ARHGAP21: variants seen among roughly 807,000 people sequenced by gnomAD.
ARHGAP21 encodes the protein rho GTPase-activating protein 21.
Under a neutral mutation model 164.6 loss-of-function variants are expected in ARHGAP21, and 38 were observed. That is an observed-to-expected ratio of 0.23 (90% CI 0.18 to 0.30). The LOEUF (loss-of-function observed/expected upper bound fraction) is 0.30. Among genes scored for constraint, ARHGAP21 ranks in the 10% least tolerant of loss-of-function variants. The probability of loss-of-function intolerance (pLI) is 1.00; values close to 1 mark genes in which losing one functional copy is unlikely to be tolerated. For missense variants in ARHGAP21, 1,822 were observed against 2,370.7 expected, an observed-to-expected ratio of 0.77 and a Z score of 4.81; for synonymous variants, 766 against 857.9, an observed-to-expected ratio of 0.89 and a Z score of 1.87.
At chr10:24,636,790 A>G (rs2131381660) in intron 4 of ARHGAP21, among the ~76,000 whole-genome samples, 1 of 152,326 alleles carries the variant, frequency 6.6e-6, no homozygotes, top group East Asian at 1.9e-4. Flanking sequence ...GCGAGTAGAC[A>G]TCGGTCCAAA....
intron 4 of ARHGAP21, among the ~76,000 whole-genome samples, chr10:24,662,643 C>T (rs1351117608): frequency 1.3e-5 from 2 of 152,194 alleles, no homozygotes; most frequent in Admixed American, 6.5e-5. Flanking sequence ...TCTCCAAATA[C>T]TCTCATACCT....
chr10:24,656,147 C>G (rs562019533), intron 4 of ARHGAP21, among the ~76,000 whole-genome samples: 1 of 136,094 alleles, frequency 7.3e-6, no homozygotes, highest in East Asian at 2.3e-4. Flanking sequence ...GCAGCCACCC[C>G]GTCCGGGAGG....
chr10:24,607,898 G>A lies in ARHGAP21; in HGVS notation c.2428C>T (p.Pro810Ser), dbSNP rs565723606. ...TCATGATCAATGCTAGGGCTAGTTG[G>A]TTCATCTGTAAGAAAAAAGGAAAAT... Reference protein sequence around the residue: ...SLASIPFIDEPTSPSIDHDIA... With the variant: ...SLASIPFIDESTSPSIDHDIA... Residue 810 changes from proline to serine, a missense_variant, in exon 10 of 26, where the codon CCA becomes TCA. Physicochemically the swap from Pro to Ser is moderately conservative, Grantham distance 74. This residue lies in a region of ARHGAP21 where 1,090 missense variants were observed against 1,378.9 expected (regional missense o/e 0.79). Coordinates refer to ENST00000396432, the MANE Select transcript of ARHGAP21 (RefSeq NM_020824.4). The A allele has an allele frequency of 1.3e-6, 2 of 1,588,910 alleles. No individual in the cohort carries two copies. Among genetic ancestry groups the A allele is most frequent in the East Asian group, 4.5e-5 (2 of 44,546 alleles).
intron 4 of ARHGAP21, among the ~76,000 whole-genome samples, chr10:24,646,845 A>T (rs1365691394): frequency 6.6e-6 from 1 of 152,238 alleles, no homozygotes; most frequent in Non-Finnish European, 1.5e-5. Context: ...ATAAATATGT[A>T]TAACTGTCAA....
At chr10:24,614,782 C>CA (rs34148464) in intron 9 of ARHGAP21, among the ~76,000 whole-genome samples, 5,294 of 110,088 alleles carry the variant, frequency 0.048, 415 homozygotes, top group African/African-American at 0.15. Flanking sequence ...GACTCCATCT[C>CA]AAAAAAAAAA....
intron 22 of ARHGAP21, 34 bp downstream of exon 22, chr10:24,591,853 A>C: frequency 5.0e-6 from 8 of 1,597,878 alleles, no homozygotes; most frequent in Non-Finnish European, 6.8e-6. Flanking sequence ...GCAGAGATGA[A>C]GCATGAACTT....
intron 7 of ARHGAP21, 120 bp from the exon 8 acceptor site, chr10:24,622,882 G>A: frequency 1.1e-6 from 1 of 941,694 alleles, no homozygotes. Flanking sequence ...TTCTCTGGAA[G>A]GTACCAAGAG....
At chr10:24,651,102 G>A (rs556186396) in intron 4 of ARHGAP21, among the ~76,000 whole-genome samples, 2 of 152,332 alleles carry the variant, frequency 1.3e-5, no homozygotes, top group Non-Finnish European at 2.9e-5. Flanking sequence ...AAGCATGGAG[G>A]TGGGCTGTTC....
chr10:24,703,690 G>A (rs942525310), intron 2 of ARHGAP21, among the ~76,000 whole-genome samples: 4 of 152,124 alleles, frequency 2.6e-5, no homozygotes, highest in Non-Finnish European at 1.5e-5. Context: ...CATTTCTTTT[G>A]TCTGTCTCCT....
chr10:24,719,434 C>T (rs10764491), intron 2 of ARHGAP21, among the ~76,000 whole-genome samples: 74,180 of 151,914 alleles, frequency 0.49, 18,356 homozygotes, highest in Middle Eastern at 0.55. Context: ...AAGCACAAGG[C>T]CTTATTCAGA....
intron 6 of ARHGAP21, among the ~76,000 whole-genome samples, chr10:24,632,149 T>G (rs1488921641): frequency 6.6e-6 from 1 of 152,200 alleles, no homozygotes; most frequent in African/African-American, 2.4e-5. Flanking sequence ...TGAAAAAATA[T>G]TTCTCTAATA....
At chr10:24,644,769 C>T (rs1257250504) in intron 4 of ARHGAP21, among the ~76,000 whole-genome samples, 1 of 152,156 alleles carries the variant, frequency 6.6e-6, no homozygotes, top group African/African-American at 2.4e-5. Context: ...TTTCTCTGAC[C>T]AGCTCTTAGA....
intron 2 of ARHGAP21, among the ~76,000 whole-genome samples, chr10:24,705,090 T>A (rs1254088037): frequency 6.6e-6 from 1 of 152,138 alleles, no homozygotes; most frequent in African/African-American, 2.4e-5. Flanking sequence ...TCCTTTGGGA[T>A]TACCCAGAAT....
chr10:24,708,221 C>T (rs1174574633), intron 2 of ARHGAP21, among the ~76,000 whole-genome samples: 1 of 152,102 alleles, frequency 6.6e-6, no homozygotes, highest in Non-Finnish European at 1.5e-5. Context: ...GGTTTGTCGG[C>T]CTCTGTCCGT....
intron 24 of ARHGAP21, 87 bp downstream of exon 24, chr10:24,591,138 A>G (rs984353237): frequency 3.9e-5 from 46 of 1,186,394 alleles, no homozygotes; most frequent in Middle Eastern, 3.0e-4. Context: ...AATCATAAGT[A>G]ACAATTCACT....
chr10:24,602,204 G>A (rs2130915442), intron 12 of ARHGAP21, 101 bp from the exon 13 acceptor site: 1 of 1,342,330 alleles, frequency 7.4e-7, no homozygotes, highest in Middle Eastern at 2.1e-4. Flanking sequence ...AATGTTTCAA[G>A]TGAAGGGCTA....
intron 2 of ARHGAP21, among the ~76,000 whole-genome samples, chr10:24,687,763 C>T (rs752585515): frequency 6.6e-6 from 1 of 152,134 alleles, no homozygotes; most frequent in African/African-American, 2.4e-5. Context: ...ATCTTAGCTA[C>T]CAATGAAATA....
At chr10:24,594,748 GA>G (rs1564966210) in intron 21 of ARHGAP21, among the ~76,000 whole-genome samples, 1 of 152,066 alleles carries the variant, frequency 6.6e-6, no homozygotes, top group African/African-American at 2.4e-5. Flanking sequence ...AACCATAAAA[GA>G]AATCTTTTAA....
intron 12 of ARHGAP21, among the ~76,000 whole-genome samples, chr10:24,602,477 A>G (rs866291201): frequency 5.3e-5 from 8 of 152,202 alleles, no homozygotes; most frequent in Admixed American, 2.0e-4. Flanking sequence ...AAGAAATAAT[A>G]TTTTGTTGAA....
Sources: allele counts gnomAD v4.1 joint callset (sites outside exome capture counted in the v4.1 genomes callset), GRCh38; gene constraint gnomAD v4.1.1; regional missense constraint gnomAD v4.1.1; transcripts MANE v1.5; gene names NCBI Gene and HGNC (gene_info 2026-07-23, HGNC 2026-07-21).